Variants in FGF12 observed in about 807,000 individuals in gnomAD.
FGF12 encodes fibroblast growth factor 12B.
In FGF12, 14 loss-of-function variants were observed where a neutral mutation model predicts 23.6. That is an observed-to-expected ratio of 0.59 (90% confidence interval 0.39 to 0.93). FGF12 has a LOEUF of 0.93. Ranked by LOEUF, FGF12 falls within the 40% of genes least tolerant of loss-of-function variation. The pLI is 0.00. For synonymous variants in FGF12, 62 were observed against 77.3 expected (o/e 0.80, Z 1.04); for missense variants, 175 against 217.8 (o/e 0.80, Z 1.24).
chr3:192,203,709 T>C (rs1040349249), intron 4 of FGF12, among the ~76,000 whole-genome samples: 2 of 151,928 alleles, frequency 1.3e-5, no homozygotes, highest in Non-Finnish European at 2.9e-5. Flanking sequence ...GTTCAGATTA[T>C]AGATTATAGA....
At chr3:192,562,226 G>T (rs1270856597) in intron 2 of FGF12, among the ~76,000 whole-genome samples, 1 of 152,132 alleles carries the variant, frequency 6.6e-6, no homozygotes, top group Non-Finnish European at 1.5e-5. Flanking sequence ...TTAGATAATT[G>T]GTTGTGGGTG....
chr3:192,323,716 A>T (rs1053222286), intron 4 of FGF12, among the ~76,000 whole-genome samples: 1 of 152,222 alleles, frequency 6.6e-6, no homozygotes, highest in African/African-American at 2.4e-5. Flanking sequence ...TGTTTGTAAC[A>T]CAAAGAAAGG....
intron 2 of FGF12, among the ~76,000 whole-genome samples, chr3:192,536,336 G>A (rs1449605749): frequency 6.6e-6 from 1 of 152,088 alleles, no homozygotes; most frequent in East Asian, 1.9e-4. Context: ...AGAAGCAAAA[G>A]TTGAAATAGA....
intron 3 of FGF12, among the ~76,000 whole-genome samples, chr3:192,348,174 A>C (rs547690449): frequency 6.6e-6 from 1 of 152,256 alleles, no homozygotes; most frequent in East Asian, 1.9e-4. Flanking sequence ...TTCAACTGTA[A>C]TACTGTGGAG....
At chr3:192,558,640 G>A (rs1237571524) in intron 2 of FGF12, among the ~76,000 whole-genome samples, 2 of 151,704 alleles carry the variant, frequency 1.3e-5, no homozygotes, top group Non-Finnish European at 3.0e-5. Context: ...ACACTGTATA[G>A]CCAAAATGAT....
intron 4 of FGF12, among the ~76,000 whole-genome samples, chr3:192,200,457 A>G (rs1161609447): frequency 6.6e-6 from 1 of 152,228 alleles, no homozygotes; most frequent in Non-Finnish European, 1.5e-5. Context: ...TCTCCAGTTT[A>G]AACCAGAAAA....
At chr3:192,297,340 T>G (rs1027025836) in intron 4 of FGF12, among the ~76,000 whole-genome samples, 1 of 152,210 alleles carries the variant, frequency 6.6e-6, no homozygotes, top group African/African-American at 2.4e-5. Flanking sequence ...AAGAGAAAAG[T>G]ATACTGTTTG....
At chr3:192,289,448 G>A (rs976063710) in intron 4 of FGF12, among the ~76,000 whole-genome samples, 3 of 152,126 alleles carry the variant, frequency 2.0e-5, no homozygotes, top group South Asian at 4.1e-4. Context: ...AGAATAAAAC[G>A]AGAAGGAACA....
chr3:192,301,768 T>C (rs1032991838), intron 4 of FGF12, among the ~76,000 whole-genome samples: 2 of 152,082 alleles, frequency 1.3e-5, no homozygotes, highest in African/African-American at 4.8e-5. Flanking sequence ...TTCAACACAC[T>C]GCAGAAATTG....
intron 2 of FGF12, among the ~76,000 whole-genome samples, chr3:192,460,681 TTTA>T (rs869139285): frequency 7.6e-6 from 1 of 131,582 alleles, no homozygotes; most frequent in African/African-American, 3.1e-5. Flanking sequence ...CACACATATA[TTTA>T]TATATATATA....
chr3:192,175,257 G>A (rs573650933), intron 4 of FGF12, among the ~76,000 whole-genome samples: 1 of 152,146 alleles, frequency 6.6e-6, no homozygotes, highest in Non-Finnish European at 1.5e-5. Context: ...ATAGAAAGCA[G>A]AGTAAATAAT....
intron 2 of FGF12, among the ~76,000 whole-genome samples, chr3:192,700,368 A>T (rs1040259327): frequency 6.6e-6 from 1 of 152,232 alleles, no homozygotes; most frequent in South Asian, 2.1e-4. Flanking sequence ...ACTATATTTA[A>T]TGTGTTCATA....
intron 2 of FGF12, among the ~76,000 whole-genome samples, chr3:192,451,596 TA>T (rs1195408562): frequency 6.6e-6 from 1 of 152,212 alleles, no homozygotes; most frequent in Non-Finnish European, 1.5e-5. Flanking sequence ...GTTGAGGGTT[TA>T]GGAGATCACT....
chr3:192,463,766 G>A (rs530798999), intron 2 of FGF12, among the ~76,000 whole-genome samples: 1 of 152,306 alleles, frequency 6.6e-6, no homozygotes, highest in African/African-American at 2.4e-5. Flanking sequence ...GTAGGATTTA[G>A]TCCCTTAACT....
chr3:192,447,561 T>G (rs367853366), intron 2 of FGF12, among the ~76,000 whole-genome samples: 1 of 152,330 alleles, frequency 6.6e-6, no homozygotes, highest in South Asian at 2.1e-4. Context: ...GTTTACATAG[T>G]GGCAATAATA....
intron 2 of FGF12, among the ~76,000 whole-genome samples, chr3:192,494,175 T>C (rs1399786960): frequency 1.3e-5 from 2 of 152,146 alleles, no homozygotes; most frequent in Non-Finnish European, 2.9e-5. Context: ...GCTCAGAAAA[T>C]TCACTAGCTC....
chr3:192,718,089 T>A (rs946340053), intron 2 of FGF12, among the ~76,000 whole-genome samples: 7 of 151,204 alleles, frequency 4.6e-5, no homozygotes, highest in Non-Finnish European at 1.0e-4. Flanking sequence ...CTAAAGAAAA[T>A]CAGACTTCCT....
intron 2 of FGF12, among the ~76,000 whole-genome samples, chr3:192,698,439 T>C (rs1718192440): frequency 6.6e-6 from 1 of 152,168 alleles, no homozygotes. Context: ...CACCAGGTTC[T>C]AAGTCCCTTC....
At chr3:192,709,945 G>A (rs532268836) in intron 2 of FGF12, among the ~76,000 whole-genome samples, 1 of 152,308 alleles carries the variant, frequency 6.6e-6, no homozygotes, top group African/African-American at 2.4e-5. Flanking sequence ...CAATATGCAT[G>A]GCTCAGGCTA....
Sources: gnomAD v4.1 joint callset for allele counts (sites outside exome capture counted in the v4.1 genomes callset) on GRCh38, gnomAD v4.1.1 for gene constraint, MANE v1.5 for transcripts, NCBI Gene and HGNC (gene_info 2026-07-23, HGNC 2026-07-21) for gene names.